Variants in USP43 observed in about 807,000 individuals in gnomAD.
USP43 encodes the protein ubiquitin carboxyl-terminal hydrolase 43.
Under a neutral mutation model 90.7 loss-of-function variants are expected in USP43, and 33 were observed. The ratio of observed to expected loss-of-function variants is 0.36; its 90% CI spans 0.28 to 0.49. The LOEUF (loss-of-function observed/expected upper bound fraction) is 0.49, where lower values mean the gene tolerates loss of function less well. Among genes scored for constraint, USP43 ranks in the 20% least tolerant of loss-of-function variants. The probability of loss-of-function intolerance (pLI) is 0.98; values close to 1 mark genes in which losing one functional copy is unlikely to be tolerated. For missense variants in USP43, 1,274 were observed against 1,476.4 expected (o/e 0.86, Z 2.25); for synonymous variants, 598 against 615.8 (o/e 0.97, Z 0.43).
rs372111163 is a variant in USP43 at position 9,686,878 on chromosome 17, G to A, written c.1322G>A (p.Arg441His). 1.1e-5 allele frequency: 17 copies of A among 1,613,532 alleles called. No homozygotes were observed. Among genetic ancestry groups the A allele is most frequent in the East Asian group, 4.5e-5 (2 of 44,880 alleles). ...QLQQSILSKV[R>H]HLMKSEAPVQ... is the part of the protein sequence containing the mutation. ...CAGCAGTCTATCCTCAGCAAGGTCCGCCATCTTATGAAGAGTGAGGCCCCT... is the reference window on the plus strand; with the variant it reads ...CAGCAGTCTATCCTCAGCAAGGTCCACCATCTTATGAAGAGTGAGGCCCCT... Residue 441 changes from arginine (R) to histidine (H), a missense_variant, in exon 8 of 15, where the codon CGC becomes CAC. By Grantham distance (29) the Arg-to-His change is conservative. Around this residue, in one of 6 missense-constraint regions of USP43, gnomAD observed 253 missense variants for 276.0 expected, o/e 0.92. Coordinates refer to ENST00000285199, the MANE Select transcript of USP43 (RefSeq NM_153210.5). The surrounding 1 kb of genome is among the most constrained non-coding windows in gnomAD (Gnocchi z 5.5).
At chr17:9,688,617 G>A (rs73257709) in intron 8 of USP43, among the ~76,000 whole-genome samples, 6,376 of 151,824 alleles carry the variant, frequency 0.042, 345 homozygotes, top group African/African-American at 0.12. Flanking sequence ...CCAAAGTGCT[G>A]GGATTACAGG....
chr17:9,711,412 TTTG>T (rs927102284), intron 13 of USP43, among the ~76,000 whole-genome samples: 18 of 152,250 alleles, frequency 1.2e-4, no homozygotes, highest in Middle Eastern at 3.4e-3. Flanking sequence ...CATACTTTCC[TTTG>T]TTGTTGTTGT....
At position 9,728,975 on chromosome 17, in the gene USP43, G is replaced by A. The variant is rs774156167; in HGVS notation, c.3357G>A (p.Pro1119=). 15 of 1,571,662 alleles carry A rather than the reference G, an allele frequency of 9.5e-6. No individual in the cohort carries two copies. The highest frequency in any genetic ancestry group is 9.0e-5 in the East Asian group (4 of 44,214). ...TLSLGRKKTL[P]ESSF The stretch of plus-strand genomic sequence containing the variant: ...CTTTAGGTCGAAAGAAAACCTTACC[G>A]GAGTCCAGCTTTTGATGGAGCGTGT... Residue 1119 remains proline, a synonymous_variant, in exon 15 of 15, where the codon CCG becomes CCA. Transcript: ENST00000285199. The surrounding 1 kb of genome is among the most constrained non-coding windows in gnomAD (Gnocchi z 6.2).
intron 14 of USP43, among the ~76,000 whole-genome samples, chr17:9,719,116 G>A (rs1289853413): frequency 6.6e-6 from 1 of 151,486 alleles, no homozygotes; most frequent in African/African-American, 2.4e-5. Context: ...CAACAAGAGT[G>A]AAACTCCGTG....
At chr17:9,664,589 T>A (rs1453959146) in intron 2 of USP43, among the ~76,000 whole-genome samples, 1 of 152,108 alleles carries the variant, frequency 6.6e-6, no homozygotes, top group East Asian at 1.9e-4. Context: ...GATGAAAAAG[T>A]TGAGAGGTGC....
chr17:9,724,659 G>C (rs1917160890), intron 14 of USP43, among the ~76,000 whole-genome samples: 1 of 152,194 alleles, frequency 6.6e-6, no homozygotes, highest in African/African-American at 2.4e-5. Context: ...CAGCCTGGGG[G>C]ACAAGAGCGA....
At chr17:9,723,916 T>C (rs2152002835) in intron 14 of USP43, among the ~76,000 whole-genome samples, 1 of 152,200 alleles carries the variant, frequency 6.6e-6, no homozygotes, top group East Asian at 1.9e-4. Context: ...GCTTCCCTTA[T>C]AGTTTCTATC....
At chr17:9,646,170 C>G (rs988283391) in intron 1 of USP43, 34 bp downstream of exon 1, 20 of 1,394,100 alleles carry the variant, frequency 1.4e-5, no homozygotes, top group Non-Finnish European at 1.7e-5. Context: ...CGCCCTGTCC[C>G]CCTGGTTTCG....
At chr17:9,714,195 A>G (rs1916360108) in intron 14 of USP43, among the ~76,000 whole-genome samples, 1 of 152,066 alleles carries the variant, frequency 6.6e-6, no homozygotes, top group African/African-American at 2.4e-5. Flanking sequence ...TTTGCTCACC[A>G]CTCACTTCCT....
At chr17:9,711,480 G>A (rs967032536) in intron 13 of USP43, among the ~76,000 whole-genome samples, 1 of 152,148 alleles carries the variant, frequency 6.6e-6, no homozygotes, top group Non-Finnish European at 1.5e-5. Flanking sequence ...CCAGGCTGGA[G>A]TACAGTAGCG....
rs755841127 is a variant in USP43 at position 9,709,930 on chromosome 17, C to G, written c.2012-26C>G. 1 of 1,391,638 alleles carries G rather than the reference C, an allele frequency of 7.2e-7. No homozygotes were observed. Among genetic ancestry groups the G allele is most frequent in the Non-Finnish European group, 9.4e-7 (1 of 1,063,220 alleles). 86.2% of individuals were successfully genotyped at this position (1,391,638 alleles called of 1,614,324 possible). A position where few individuals can be genotyped will look rare whatever the true frequency, so the allele number is the denominator to read the frequency against. On this transcript the variant is annotated intron_variant, in intron 12 of 14. Coordinates refer to ENST00000285199, the MANE Select transcript of USP43 (RefSeq NM_153210.5). This position sits in a 1 kb window ranked among gnomAD's most constrained non-coding sequence, Gnocchi z 5.0. ...CCTACCTTTTGGGGCTCCAATAACT[C>G]AGACTTGGGGATGGGACCTTTGCAG...
At chr17:9,648,855 CTT>C (rs1219993372) in intron 1 of USP43, among the ~76,000 whole-genome samples, 1 of 151,546 alleles carries the variant, frequency 6.6e-6, no homozygotes, top group Non-Finnish European at 1.5e-5. Flanking sequence ...TTCTGTTTCT[CTT>C]TCTCTCTCTC....
intron 3 of USP43, among the ~76,000 whole-genome samples, chr17:9,668,870 C>T (rs912245659): frequency 4.6e-5 from 7 of 152,138 alleles, no homozygotes; most frequent in Non-Finnish European, 7.4e-5. Flanking sequence ...GAGTCTCCCT[C>T]TGTTGCCCAG....
chr17:9,675,426 T>C (rs1387991092), intron 4 of USP43, among the ~76,000 whole-genome samples: 1 of 151,268 alleles, frequency 6.6e-6, no homozygotes, highest in Non-Finnish European at 1.5e-5. Flanking sequence ...TTGGGGAAGA[T>C]GAGAAAAAAA....
rs1914898830 is a variant in USP43 at position 9,690,811 on chromosome 17, AGAG to A, written c.1354-2309_1354-2307del. ...GAGGCAAGGGAATCACTTGAACTGG[AGAG>A]GAGGAGTTTGTAGTGAGCCGAGATC... On this transcript the variant is annotated intron_variant, in intron 8 of 14. Coordinates refer to ENST00000285199, the MANE Select transcript of USP43 (RefSeq NM_153210.5). Among the ~76,000 whole-genome samples the A allele has an allele frequency of 2.0e-5, 3 of 151,932 alleles. No individual in the cohort carries two copies. The South Asian group carries it at 6.2e-4, about 32-fold the overall frequency.
At chr17:9,656,356 T>C (rs1912243559) in intron 1 of USP43, 47 bp from the exon 2 acceptor site, 2 of 1,590,590 alleles carry the variant, frequency 1.3e-6, no homozygotes, top group Non-Finnish European at 1.7e-6. Flanking sequence ...TTCATTTGGT[T>C]GTATAAGGGG....
chr17:9,718,279 A>C (rs1261284119), intron 14 of USP43, among the ~76,000 whole-genome samples: 1 of 152,094 alleles, frequency 6.6e-6, no homozygotes, highest in East Asian at 1.9e-4. Flanking sequence ...GGTTATTAAG[A>C]GCCTATCCGT....
Position 9,685,641 on chromosome 17 carries a change from T to C in USP43, c.1242-1157T>C, listed in dbSNP as rs374213866. 3.9e-5 allele frequency among the ~76,000 whole-genome samples: 6 copies of C among 152,216 alleles called. No homozygotes were observed. The East Asian group carries it at 5.8e-4, about 15-fold the overall frequency. ...TGTTACAAGGTTCTCTGATTGGCAA[T>C]TTTGTATTGTGTTTGGCTTTAAAAA... On this transcript the variant is annotated intron_variant, in intron 7 of 14. Transcript: ENST00000285199.
At chr17:9,725,412 C>T (rs79528673) in intron 14 of USP43, among the ~76,000 whole-genome samples, 9,800 of 151,962 alleles carry the variant, frequency 0.064, 598 homozygotes, top group East Asian at 0.34. Flanking sequence ...AGAAGTTTTG[C>T]CCATCTCCCC....
Sources: allele counts gnomAD v4.1 joint callset (sites outside exome capture counted in the v4.1 genomes callset), GRCh38; gene constraint gnomAD v4.1.1; regional missense constraint gnomAD v4.1.1; non-coding constraint Gnocchi (gnomAD v3.1); transcripts MANE v1.5; gene names NCBI Gene and HGNC (gene_info 2026-07-23, HGNC 2026-07-21).